The following CACNA1I variants were observed in gnomAD, a reference collection of about 807,000 sequenced individuals.
CACNA1I encodes the protein voltage-dependent T-type calcium channel subunit alpha-1I.
CACNA1I carries 74 observed loss-of-function variants against 201.6 expected under a neutral mutation model. The ratio of observed to expected loss-of-function variants is 0.37; its 90% confidence interval spans 0.30 to 0.45. The LOEUF is 0.45. CACNA1I is among the 20% of genes least tolerant of loss of function. The pLI, the probability that CACNA1I is intolerant of heterozygous loss-of-function variation, is 1.00. For synonymous variants in CACNA1I, 1,431 were observed against 1,345.2 expected (o/e 1.06, Z -1.40); for missense variants, 2,346 against 3,138.1 (o/e 0.75, Z 6.03).
chr22:39,663,606 G>T, intron 18 of CACNA1I, 112 bp from the exon 19 acceptor site: 3 of 1,294,690 alleles, frequency 2.3e-6, no homozygotes, highest in South Asian at 2.8e-5. Context: ...GAGGATAGGG[G>T]TTGCTTCCTC....
At chr22:39,654,915 A>G (rs1934766196) in intron 10 of CACNA1I, among the ~76,000 whole-genome samples, 1 of 152,148 alleles carries the variant, frequency 6.6e-6, no homozygotes, top group Non-Finnish European at 1.5e-5. Flanking sequence ...CCTTAGGGCA[A>G]TGGGGAGCCC....
intron 8 of CACNA1I, among the ~76,000 whole-genome samples, 193 bp downstream of exon 8, chr22:39,647,074 G>C (rs548090509): frequency 2.0e-5 from 3 of 152,254 alleles, no homozygotes; most frequent in African/African-American, 7.2e-5. Flanking sequence ...CAGAGCCTGC[G>C]CTGGGCCGGG....
chr22:39,570,812 A>G lies in CACNA1I; in HGVS notation c.60A>G (p.Gly20=). The part of the protein sequence containing the change: ...SSAAAPAAEP[G]VTTEQPGPRS... ...CAGCAGCCCCAGCCGCTGAGCCAGG[A>G]GTCACCACGGAGCAGCCCGGACCCC... The change falls in exon 1 of 37, where the codon GGA becomes GGG. Residue 20 remains glycine (G), a synonymous_variant. Coordinates refer to ENST00000402142, the MANE Select transcript of CACNA1I (RefSeq NM_021096.4). The G allele has an allele frequency of 6.2e-7, 1 of 1,613,320 alleles. No individual in the cohort carries two copies. Among genetic ancestry groups the G allele is most frequent in the Non-Finnish European group, 8.5e-7 (1 of 1,179,820 alleles).
intron 5 of CACNA1I, among the ~76,000 whole-genome samples, chr22:39,636,774 C>T (rs1046725858): frequency 3.5e-4 from 53 of 152,326 alleles, no homozygotes; most frequent in African/African-American, 1.3e-3. Flanking sequence ...AGGGGAATTC[C>T]TCAAAGTCCT....
Position 39,649,986 on chromosome 22 carries a change from C to G in CACNA1I, c.1992+61C>G. 2 of 1,552,472 alleles carry G rather than the reference C, an allele frequency of 1.3e-6. No homozygotes were observed. Among genetic ancestry groups the G allele is most frequent in the South Asian group, 1.1e-5 (1 of 89,482 alleles). Reference sequence around the variant, plus strand: ...AGGTGTGAGGGCCCCAGGACCCTGCCCAGGCCTGGGCAGCCCCATCCATCT... The same window carrying G: ...AGGTGTGAGGGCCCCAGGACCCTGCGCAGGCCTGGGCAGCCCCATCCATCT... On this transcript the variant is annotated intron_variant, in intron 10 of 36. Coordinates refer to ENST00000402142, the MANE Select transcript of CACNA1I (RefSeq NM_021096.4). This position sits in a 1 kb window ranked among gnomAD's most constrained non-coding sequence, Gnocchi z 7.3.
chr22:39,596,076 T>G (rs1218444005), intron 1 of CACNA1I, among the ~76,000 whole-genome samples: 1 of 136,924 alleles, frequency 7.3e-6, no homozygotes, highest in Non-Finnish European at 1.5e-5. Context: ...TGTCACTCAC[T>G]GTGTGTCTGA....
intron 3 of CACNA1I, among the ~76,000 whole-genome samples, chr22:39,607,435 C>A (rs188487848): frequency 1.1e-4 from 16 of 152,348 alleles, no homozygotes; most frequent in Admixed American, 5.2e-4. Context: ...GCTTAGAAAT[C>A]TGCATTGTAA....
At chr22:39,571,038 G>A (rs747457243) in intron 1 of CACNA1I, 50 bp downstream of exon 1, 5 of 1,495,586 alleles carry the variant, frequency 3.3e-6, no homozygotes, top group African/African-American at 2.8e-5. Context: ...GCTGAAGGGT[G>A]GGGGGCTGGA....
intron 3 of CACNA1I, among the ~76,000 whole-genome samples, chr22:39,611,493 C>T (rs1033713999): frequency 1.2e-4 from 18 of 152,156 alleles, no homozygotes; most frequent in Non-Finnish European, 2.1e-4. Flanking sequence ...GAACATTTCC[C>T]CCAGGCTCTG....
At chr22:39,637,554 A>G (rs1934251450) in intron 5 of CACNA1I, among the ~76,000 whole-genome samples, 1 of 152,192 alleles carries the variant, frequency 6.6e-6, no homozygotes, top group South Asian at 2.1e-4. Flanking sequence ...TGGCTTATAT[A>G]TACCCAAAGA....
intron 10 of CACNA1I, among the ~76,000 whole-genome samples, chr22:39,655,993 A>C (rs1454965181): frequency 6.6e-6 from 1 of 152,138 alleles, no homozygotes; most frequent in Non-Finnish European, 1.5e-5. Context: ...ATCTCCGCGG[A>C]CATCGCTTAC....
chr22:39,620,070 C>G (rs1028419840), intron 4 of CACNA1I, among the ~76,000 whole-genome samples: 1 of 75,564 alleles, frequency 1.3e-5, no homozygotes, highest in African/African-American at 5.1e-5. Flanking sequence ...CACCCATCCA[C>G]CCACCCACCT....
At chr22:39,657,699 T>C (rs1288882260) in intron 10 of CACNA1I, among the ~76,000 whole-genome samples, 2 of 152,080 alleles carry the variant, frequency 1.3e-5, no homozygotes, top group African/African-American at 2.4e-5. Context: ...AGTGAAGTGA[T>C]GGCTGTAAAA....
Position 39,685,637 on chromosome 22 carries a change from C to T in CACNA1I, c.6028-124C>T, listed in dbSNP as rs1935838219. 1.2e-6 allele frequency: 1 copy of T among 820,886 alleles called. No individual in the cohort carries two copies. The highest frequency in any genetic ancestry group is 4.2e-5 in the Admixed American group (1 of 23,912). 50.9% of individuals were successfully genotyped at this position (820,886 alleles called of 1,614,324 possible). A position where few individuals can be genotyped will look rare whatever the true frequency, so the allele number is the denominator to read the frequency against. On this transcript the variant is annotated intron_variant, in intron 36 of 36. Coordinates refer to ENST00000402142, the MANE Select transcript of CACNA1I (RefSeq NM_021096.4). This position sits in a 1 kb window ranked among gnomAD's most constrained non-coding sequence, Gnocchi z 5.0. Reference sequence around the variant, plus strand: ...GCTGGACGTGCGGAGGGGAGAAGCCCTGCTCCGAAGGGAGCTCCTTGGATG... The same window carrying T: ...GCTGGACGTGCGGAGGGGAGAAGCCTTGCTCCGAAGGGAGCTCCTTGGATG...
Position 39,686,462 on chromosome 22 carries a change from A to C in CACNA1I, c.*57A>C. On this transcript the variant is annotated 3_prime_UTR_variant, in exon 37 of 37. Transcript: ENST00000402142. Reference sequence around the variant, plus strand: ...CGCCCCGTCTCACCTTCTTTACCTCAGGAGCCAGGAGCAGACAGCAATACT... The same window carrying C: ...CGCCCCGTCTCACCTTCTTTACCTCCGGAGCCAGGAGCAGACAGCAATACT... 7 of 1,133,936 alleles carry C rather than the reference A, an allele frequency of 6.2e-6. No homozygotes were observed. Among genetic ancestry groups the C allele is most frequent in the Non-Finnish European group, 7.8e-6 (7 of 901,368 alleles). The allele number at this position is 1,133,936 out of a possible 1,614,324, so 70.2% of individuals were successfully genotyped here.
chr22:39,608,764 GA>G (rs1933296255), intron 3 of CACNA1I, among the ~76,000 whole-genome samples: 1 of 151,948 alleles, frequency 6.6e-6, no homozygotes, highest in Admixed American at 6.6e-5. Context: ...AGGTTGCAGT[GA>G]GCCAAGATTG....
At chr22:39,626,683 G>T (rs919108641) in intron 4 of CACNA1I, among the ~76,000 whole-genome samples, 2 of 151,874 alleles carry the variant, frequency 1.3e-5, no homozygotes, top group African/African-American at 4.8e-5. Context: ...TGCAACCTCC[G>T]CCTCCTGGGT....
chr22:39,598,071 T>G, intron 1 of CACNA1I, 80 bp from the exon 2 acceptor site: 3 of 756,226 alleles, frequency 4.0e-6, no homozygotes, highest in Non-Finnish European at 6.9e-6. Flanking sequence ...TGTGGTGGGT[T>G]GCGGGTATTA....
At chr22:39,675,320 G>T (rs1425230886) in intron 29 of CACNA1I, among the ~76,000 whole-genome samples, 2 of 152,232 alleles carry the variant, frequency 1.3e-5, no homozygotes, top group Non-Finnish European at 1.5e-5. Flanking sequence ...TTAAGAGGCT[G>T]CTAGGGGTGG....
Sources: gnomAD v4.1 joint callset for allele counts (sites outside exome capture counted in the v4.1 genomes callset) on GRCh38, gnomAD v4.1.1 for gene constraint, Gnocchi (gnomAD v3.1) non-coding constraint, MANE v1.5 for transcripts, NCBI Gene and HGNC (gene_info 2026-07-23, HGNC 2026-07-21) for gene names.